POLK: variants seen among roughly 807,000 people sequenced by gnomAD.
The protein encoded by POLK is DNA polymerase kappa, also known as polymerase (DNA directed) kappa.
POLK carries 76 observed loss-of-function variants against 94.0 expected under a neutral mutation model. The observed-to-expected ratio is 0.81, with a 90% confidence interval of 0.67 to 0.98. POLK has a LOEUF of 0.98. POLK is among the 50% of genes least tolerant of loss of function. POLK has a pLI of 0.00. For synonymous variants in POLK, 349 were observed against 325.4 expected (o/e 1.07, Z -0.78); for missense variants, 954 against 1,010.1 (o/e 0.94, Z 0.75).
chr5:75,536,552 T>G (rs1008202277), intron 1 of POLK, among the ~76,000 whole-genome samples: 1 of 151,858 alleles, frequency 6.6e-6, no homozygotes, highest in Non-Finnish European at 1.5e-5. Flanking sequence ...GCAGGACCAC[T>G]GGGCCAGAAG....
the POLK span, among the ~76,000 whole-genome samples, chr5:75,607,877 A>G: frequency 6.6e-6 from 1 of 152,182 alleles, no homozygotes; most frequent in Non-Finnish European, 1.5e-5. Flanking sequence ...TTTCTATTCA[A>G]TGTAGGGAGG....
exon 1 of POLK, chr5:75,511,843 A>G: frequency 3.9e-6 from 6 of 1,547,156 alleles, no homozygotes; most frequent in Admixed American, 4.0e-5. Flanking sequence ...GCTGTGCTGC[A>G]TTCTGGGAAG....
chr5:75,609,798 T>C, the POLK span: 1 of 152,226 alleles, frequency 6.6e-6, no homozygotes, highest in African/African-American at 2.4e-5. Flanking sequence ...ATAAATAATA[T>C]TTTGTCATGT....
At chr5:75,594,173 G>A (rs948460845) in intron 12 of POLK, 124 bp downstream of exon 12, 10 of 644,930 alleles carry the variant, frequency 1.6e-5, no homozygotes, top group East Asian at 5.3e-5. Context: ...TCAACTTTGC[G>A]ACAGTGGGAA....
At chr5:75,585,805 T>C (rs1772437941) in intron 9 of POLK, among the ~76,000 whole-genome samples, 1 of 152,196 alleles carries the variant, frequency 6.6e-6, no homozygotes. Context: ...TCAAAATGAC[T>C]CCTTTATATT....
chr5:75,531,254 A>G (rs1009219563), intron 1 of POLK, among the ~76,000 whole-genome samples: 5 of 150,800 alleles, frequency 3.3e-5, no homozygotes, highest in African/African-American at 4.9e-5. Flanking sequence ...CCATCATTCA[A>G]ATGAAAACAA....
chr5:75,584,179 A>G (rs1356307361), intron 8 of POLK, among the ~76,000 whole-genome samples: 1 of 152,196 alleles, frequency 6.6e-6, no homozygotes, highest in Non-Finnish European at 1.5e-5. Flanking sequence ...ATGTGTCACT[A>G]TGCATATTAA....
upstream of POLK, chr5:75,511,710 C>A: frequency 6.5e-7 from 1 of 1,544,792 alleles, no homozygotes; most frequent in Non-Finnish European, 8.7e-7. Flanking sequence ...CCCCTCCCGG[C>A]GTCTGACGCG....
At chr5:75,589,388 T>TACACACACACACACACACACACAC (rs71600465) in intron 10 of POLK, among the ~76,000 whole-genome samples, 33 of 128,310 alleles carry the variant, frequency 2.6e-4, no homozygotes, top group African/African-American at 3.3e-4. Context: ...TATACACACA[T>TACACACACACACACACACACACAC]ACACACACAC....
exon 1 of POLK, chr5:75,511,826 G>A (rs1248221222): frequency 6.4e-7 from 1 of 1,551,152 alleles, no homozygotes; most frequent in South Asian, 1.2e-5. Context: ...GGCGGGGTAG[G>A]GATGCAGCTG....
At chr5:75,511,986 G>T in intron 1 of POLK, 72 bp downstream of exon 1, 1 of 607,436 alleles carries the variant, frequency 1.6e-6, no homozygotes, top group Non-Finnish European at 2.9e-6. Context: ...TCGTTTGACA[G>T]TTGCGTGACC....
intron 1 of POLK, among the ~76,000 whole-genome samples, chr5:75,537,356 T>A (rs1769492616): frequency 6.6e-6 from 1 of 152,218 alleles, no homozygotes; most frequent in African/African-American, 2.4e-5. Flanking sequence ...TGAATCCCCC[T>A]GGGGGCTCTC....
exon 5 of POLK, chr5:75,573,762 A>G: frequency 6.2e-7 from 1 of 1,613,092 alleles, no homozygotes; most frequent in Non-Finnish European, 8.5e-7. Context: ...CCATGCAAGG[A>G]GATTTGGTGT....
intron 1 of POLK, among the ~76,000 whole-genome samples, chr5:75,527,637 C>T (rs1259416443): frequency 6.6e-6 from 1 of 151,878 alleles, no homozygotes; most frequent in Admixed American, 6.6e-5. Context: ...TTACTGTTGA[C>T]ATACCTGCTT....
At chr5:75,511,711 G>A (rs1231217356), upstream of POLK, 5 of 1,545,076 alleles carry the variant, frequency 3.2e-6, no homozygotes, top group Admixed American at 5.9e-5. Context: ...CCCTCCCGGC[G>A]TCTGACGCGA....
upstream of POLK, chr5:75,511,450 CCGCCGT>C (rs746786853): frequency 2.0e-6 from 3 of 1,533,128 alleles, no homozygotes; most frequent in Non-Finnish European, 2.6e-6. Context: ...TCAGCCGCCG[CCGCCGT>C]CGCCGTGACC....
At chr5:75,601,518 A>G (rs938604526), downstream of POLK, among the ~76,000 whole-genome samples, 6 of 152,332 alleles carry the variant, frequency 3.9e-5, no homozygotes, top group South Asian at 1.2e-3. Flanking sequence ...TCCACCCTCA[A>G]TCTGGTTGTG....
intron 3 of POLK, among the ~76,000 whole-genome samples, 181 bp from the exon 4 acceptor site, chr5:75,569,159 A>G (rs1863933): frequency 1.3e-5 from 2 of 152,302 alleles, no homozygotes; most frequent in South Asian, 4.1e-4. Flanking sequence ...ACACCCATGA[A>G]CAACAAAATA....
chr5:75,595,865 C>T (rs988022522), intron 12 of POLK, among the ~76,000 whole-genome samples: 1 of 151,856 alleles, frequency 6.6e-6, no homozygotes, highest in Non-Finnish European at 1.5e-5. Context: ...ACCTTCTGCT[C>T]AATTTTGCTG....
Sources: allele counts gnomAD v4.1 joint callset (sites outside exome capture counted in the v4.1 genomes callset), GRCh38; gene constraint gnomAD v4.1.1; transcripts MANE v1.5; gene names NCBI Gene and HGNC (gene_info 2026-07-23, HGNC 2026-07-21).